The following SCMH1 variants were observed in gnomAD, a reference collection of about 807,000 sequenced individuals.
SCMH1 encodes the protein polycomb protein SCMH1.
In SCMH1, 37 loss-of-function variants were observed where a neutral mutation model predicts 70.8. The ratio of observed to expected loss-of-function variants is 0.52; its 90% confidence interval spans 0.40 to 0.69. SCMH1 has a LOEUF of 0.69. Among genes scored for constraint, SCMH1 ranks in the 30% least tolerant of loss-of-function variants. The pLI is 0.00. For synonymous variants in SCMH1, 292 were observed against 307.4 expected (o/e 0.95, Z 0.52); for missense variants, 607 against 827.3 (o/e 0.73, Z 3.27).
chr1:41,242,254 C>T (rs1329024785), upstream of SCMH1: 1 of 143,942 alleles, frequency 6.9e-6, no homozygotes, highest in East Asian at 2.0e-4. The surrounding 1 kb of genome is among the most constrained non-coding windows in gnomAD (Gnocchi z 5.2). Context: ...CCCGGCCCCT[C>T]CCCCGCGCCT....
chr1:41,028,135 A>G lies in SCMH1; in HGVS notation c.*59T>C, dbSNP rs536020091. On this transcript the variant is annotated 3_prime_UTR_variant, in exon 15 of 15. Coordinates refer to ENST00000337495, the Ensembl canonical transcript of SCMH1. The stretch of plus-strand genomic sequence containing the variant: ...TGCCTGGGGTGGGCTGATGCCCCTC[A>G]TTCCTAGAAGAATGCCCCCACCTGC... The G allele has an allele frequency of 7.5e-4, 1,201 of 1,607,152 alleles. 11 individuals carry two copies. Among genetic ancestry groups the G allele is most frequent in the Middle Eastern group, 5.0e-4 (3 of 6,016 alleles).
At chr1:41,202,465 C>T (rs1028023199) in intron 1 of SCMH1, among the ~76,000 whole-genome samples, 3 of 152,114 alleles carry the variant, frequency 2.0e-5, no homozygotes, top group Non-Finnish European at 4.4e-5. Context: ...CACTTTAAGC[C>T]TCTGGAGTCC....
chr1:41,113,618 C>A lies in SCMH1; in HGVS notation c.502-92G>T. The A allele has an allele frequency of 7.2e-7, 1 of 1,397,470 alleles. No individual in the cohort carries two copies. The highest frequency in any genetic ancestry group is 9.6e-7 in the Non-Finnish European group (1 of 1,036,710). The allele number at this position is 1,397,470 out of a possible 1,614,324, so 86.6% of individuals were successfully genotyped here. On this transcript the variant is annotated intron_variant, in intron 7 of 14. Coordinates refer to ENST00000337495, the Ensembl canonical transcript of SCMH1. This position sits in a 1 kb window ranked among gnomAD's most constrained non-coding sequence, Gnocchi z 4.3. Reference sequence around the variant, plus strand: ...TCTAATTTGGATGATTAAAAAGTGACTGCTACATGAGACTTATAATGGATA... The same window carrying A: ...TCTAATTTGGATGATTAAAAAGTGAATGCTACATGAGACTTATAATGGATA...
At chr1:41,116,779 T>C (rs572215705) in intron 7 of SCMH1, 143 bp downstream of exon 7, 21 of 527,328 alleles carry the variant, frequency 4.0e-5, no homozygotes, top group East Asian at 3.6e-4. Context: ...CTGGGGATAA[T>C]TGCTGCTTCA....
At chr1:41,097,976 T>C (rs574631694) in intron 8 of SCMH1, among the ~76,000 whole-genome samples, 1 of 152,360 alleles carries the variant, frequency 6.6e-6, no homozygotes, top group Admixed American at 6.5e-5. Flanking sequence ...TTTTCTTAGC[T>C]GGTGCCTTGC....
At chr1:41,205,524 C>T (rs942965299) in intron 1 of SCMH1, among the ~76,000 whole-genome samples, 1 of 152,126 alleles carries the variant, frequency 6.6e-6, no homozygotes, top group African/African-American at 2.4e-5. Context: ...CCCACTGCAT[C>T]CTCGCGGGGG....
chr1:41,205,802 C>A (rs1339818273), intron 1 of SCMH1, among the ~76,000 whole-genome samples: 1 of 152,210 alleles, frequency 6.6e-6, no homozygotes, highest in Non-Finnish European at 1.5e-5. Context: ...AGGCAGGGGC[C>A]CCTCTAGGAC....
At chr1:41,123,361 C>T (rs1672410079) in intron 6 of SCMH1, among the ~76,000 whole-genome samples, 1 of 152,174 alleles carries the variant, frequency 6.6e-6, no homozygotes, top group South Asian at 2.1e-4. Flanking sequence ...TTTGAAGTTA[C>T]TGTATATACT....
intron 5 of SCMH1, among the ~76,000 whole-genome samples, chr1:41,146,850 C>A (rs1254095161): frequency 1.3e-5 from 2 of 152,100 alleles, no homozygotes; most frequent in African/African-American, 4.8e-5. Flanking sequence ...TTACCAGTAT[C>A]TTTTGAAGAG....
chr1:41,070,588 C>T lies in SCMH1; in HGVS notation c.1105+7G>A, dbSNP rs556814654. The T allele has an allele frequency of 1.2e-6, 2 of 1,614,032 alleles. No individual in the cohort carries two copies. Among genetic ancestry groups the T allele is most frequent in the East Asian group, 2.2e-5 (1 of 44,876 alleles). On this transcript the variant is annotated splice_region_variant and intron_variant, in intron 10 of 14. Transcript: ENST00000337495. ...TGTGCGCAGGTAGTCCTGTCATCTGCTCTTACCTGTTGGGGCCTGCATGGC... is the reference window on the plus strand; with the variant it reads ...TGTGCGCAGGTAGTCCTGTCATCTGTTCTTACCTGTTGGGGCCTGCATGGC...
chr1:41,161,330 T>C, intron 3 of SCMH1, 34 bp downstream of exon 3: 1 of 1,546,534 alleles, frequency 6.5e-7, no homozygotes, highest in Non-Finnish European at 8.7e-7. Flanking sequence ...CGAGTAAAAT[T>C]TTTCCACACC....
chr1:41,236,412 C>T (rs761628989), intron 1 of SCMH1, among the ~76,000 whole-genome samples: 12 of 152,128 alleles, frequency 7.9e-5, no homozygotes, highest in Non-Finnish European at 1.6e-4. Context: ...CACAAAAAGA[C>T]ATCCAATAAA....
At chr1:41,196,875 C>A (rs865856132) in intron 1 of SCMH1, among the ~76,000 whole-genome samples, 15 of 152,162 alleles carry the variant, frequency 9.9e-5, no homozygotes, top group Middle Eastern at 3.4e-3. Flanking sequence ...ACCTAAACAA[C>A]CCAATTCAAA....
chr1:41,051,601 T>C (rs1304074219), intron 10 of SCMH1, among the ~76,000 whole-genome samples: 1 of 152,088 alleles, frequency 6.6e-6, no homozygotes, highest in African/African-American at 2.4e-5. Flanking sequence ...GGCTAATGTG[T>C]GTGTATGTCT....
chr1:41,075,360 T>C (rs761034159), exon 9 of SCMH1: 2 of 1,614,154 alleles, frequency 1.2e-6, no homozygotes, highest in Non-Finnish European at 1.7e-6. Context: ...TCTGCCCTGG[T>C]TGATGTTCCA....
chr1:41,115,851 T>C (rs1321635038), intron 7 of SCMH1, among the ~76,000 whole-genome samples: 1 of 152,246 alleles, frequency 6.6e-6, no homozygotes, highest in Non-Finnish European at 1.5e-5. Flanking sequence ...AGATTTCTTT[T>C]ACTTTCAACA....
chr1:41,218,845 G>T (rs1419588482), intron 1 of SCMH1, among the ~76,000 whole-genome samples: 3 of 152,166 alleles, frequency 2.0e-5, no homozygotes, highest in Admixed American at 6.5e-5. Flanking sequence ...TATATAATTT[G>T]TCTGGTCTTT....
chr1:41,046,402 C>T lies in SCMH1; in HGVS notation c.1498+5G>A. The T allele has an allele frequency of 3.7e-6, 6 of 1,613,422 alleles. No homozygotes were observed. The highest frequency in any genetic ancestry group is 1.3e-5 in the African/African-American group (1 of 75,050). ...TCTCAGCCCAGGCCCCATCCCAGCT[C>T]CTACCTGGTAGGTACCTGTCGTGGC... On this transcript the variant is annotated splice_donor_5th_base_variant and intron_variant, in intron 12 of 14. Coordinates refer to ENST00000337495, the Ensembl canonical transcript of SCMH1.
chr1:41,046,336 C>T lies in SCMH1; in HGVS notation c.1498+71G>A. 2.2e-6 allele frequency: 3 copies of T among 1,382,686 alleles called. No homozygotes were observed. In the Admixed American group the frequency reaches 5.3e-5, roughly 24 times the overall value. The allele number at this position is 1,382,686 out of a possible 1,614,324, so 85.7% of individuals were successfully genotyped here. On this transcript the variant is annotated intron_variant, in intron 12 of 14. Coordinates refer to ENST00000337495, the Ensembl canonical transcript of SCMH1. Reference sequence around the variant, plus strand: ...CAGGCCAGTAGTTCTGAAGGCTGACCCTGGGCCCCTGCAGGTGCTGCTGCT... The same window carrying T: ...CAGGCCAGTAGTTCTGAAGGCTGACTCTGGGCCCCTGCAGGTGCTGCTGCT...
Sources: allele counts gnomAD v4.1 joint callset (sites outside exome capture counted in the v4.1 genomes callset), GRCh38; gene constraint gnomAD v4.1.1; non-coding constraint Gnocchi (gnomAD v3.1); transcripts MANE v1.5; gene names NCBI Gene and HGNC (gene_info 2026-07-23, HGNC 2026-07-21).